SLC25A48: variants seen among roughly 807,000 people sequenced by gnomAD.
SLC25A48 encodes CTC-321K16.1.
SLC25A48 carries 29 observed loss-of-function variants against 32.2 expected under a neutral mutation model. That is an observed-to-expected ratio of 0.90 (90% CI 0.67 to 1.23). SLC25A48 has a LOEUF of 1.23. Among genes scored for constraint, SLC25A48 ranks in the 50% most tolerant of loss-of-function variants. SLC25A48 has a pLI of 0.00. For synonymous variants in SLC25A48, 164 were observed against 172.3 expected (o/e 0.95, Z 0.38); for missense variants, 399 against 422.7 (o/e 0.94, Z 0.49).
chr5:135,768,750 A>G (rs377514163), intron 3 of SLC25A48, among the ~76,000 whole-genome samples: 3 of 151,726 alleles, frequency 2.0e-5, no homozygotes, highest in East Asian at 3.9e-4. Flanking sequence ...AGAGGATGAT[A>G]TTACTCTCAA....
At chr5:135,762,427 G>A (rs1027172550) in intron 3 of SLC25A48, among the ~76,000 whole-genome samples, 3 of 152,172 alleles carry the variant, frequency 2.0e-5, no homozygotes, top group African/African-American at 7.2e-5. Context: ...GTGCTCTTGT[G>A]TACATTTTGT....
intron 4 of SLC25A48, among the ~76,000 whole-genome samples, chr5:135,863,882 A>G (rs979994199): frequency 2.0e-5 from 3 of 152,208 alleles, no homozygotes; most frequent in African/African-American, 7.2e-5. Context: ...AGGGCAATGG[A>G]GAAGGAAAAG....
intron 3 of SLC25A48, among the ~76,000 whole-genome samples, chr5:135,775,164 A>G (rs1429623079): frequency 1.3e-5 from 2 of 151,790 alleles, no homozygotes; most frequent in East Asian, 3.9e-4. Flanking sequence ...GGAAAAGAGG[A>G]TGATATTACT....
chr5:135,705,734 C>T (rs760344673), intron 3 of SLC25A48, among the ~76,000 whole-genome samples: 2 of 152,208 alleles, frequency 1.3e-5, no homozygotes, highest in Non-Finnish European at 2.9e-5. Flanking sequence ...TACTCAGCCT[C>T]TCTGAGCCCA....
intron 4 of SLC25A48, among the ~76,000 whole-genome samples, chr5:135,861,268 G>A (rs1039670498): frequency 1.3e-5 from 2 of 151,798 alleles, no homozygotes; most frequent in Admixed American, 6.6e-5. Context: ...TTAAGTAGAT[G>A]GGCAATATTT....
chr5:135,836,295 G>T (rs1370763333), intron 1 of SLC25A48, among the ~76,000 whole-genome samples: 1 of 151,494 alleles, frequency 6.6e-6, no homozygotes, highest in Non-Finnish European at 1.5e-5. Context: ...TCCTTACTTT[G>T]GTGATGTTAT....
chr5:135,760,709 T>G (rs887069818), intron 3 of SLC25A48, among the ~76,000 whole-genome samples: 1 of 152,300 alleles, frequency 6.6e-6, no homozygotes, highest in Non-Finnish European at 1.5e-5. Flanking sequence ...TGTCGGCCAC[T>G]TGGGGCTTTT....
intron 3 of SLC25A48, among the ~76,000 whole-genome samples, chr5:135,680,695 A>G (rs1223404287): frequency 2.0e-5 from 3 of 152,182 alleles, no homozygotes; most frequent in African/African-American, 7.2e-5. Context: ...CACAATCACA[A>G]GAACAGCATG....
intron 3 of SLC25A48, among the ~76,000 whole-genome samples, chr5:135,712,064 A>G (rs975259146): frequency 2.0e-5 from 3 of 152,018 alleles, no homozygotes; most frequent in Non-Finnish European, 4.4e-5. Context: ...ATTGTCGATG[A>G]TTTTCTAATG....
At chr5:135,857,782 C>A (rs1221033247) in intron 4 of SLC25A48, among the ~76,000 whole-genome samples, 2 of 152,214 alleles carry the variant, frequency 1.3e-5, no homozygotes, top group East Asian at 3.9e-4. Context: ...GGGCTGTGCA[C>A]CTGCCCAGGT....
intron 4 of SLC25A48, among the ~76,000 whole-genome samples, chr5:135,860,168 T>G (rs1422696842): frequency 6.6e-6 from 1 of 152,192 alleles, no homozygotes; most frequent in East Asian, 1.9e-4. Flanking sequence ...TTGGCTAGAT[T>G]AGGTTGCCCC....
At chr5:135,675,089 G>A (rs1235028425) in intron 3 of SLC25A48, among the ~76,000 whole-genome samples, 1 of 151,838 alleles carries the variant, frequency 6.6e-6, no homozygotes, top group African/African-American at 2.4e-5. Flanking sequence ...GCTTTAATTT[G>A]TATTTCCCTG....
At chr5:135,643,548 G>T (rs1752888707) in intron 3 of SLC25A48, among the ~76,000 whole-genome samples, 1 of 152,220 alleles carries the variant, frequency 6.6e-6, no homozygotes, top group African/African-American at 2.4e-5. Context: ...TAATGAAGGG[G>T]TGACTTGCCC....
At chr5:135,829,750 T>A (rs1221572925), upstream of SLC25A48, among the ~76,000 whole-genome samples, 1 of 151,920 alleles carries the variant, frequency 6.6e-6, no homozygotes. Flanking sequence ...GAGTCTTGGC[T>A]AGGAGGCAGC....
rs1580939938 is a variant in SLC25A48, at chr5:135,834,737, G to T, written c.-111G>T. On this transcript the variant is annotated 5_prime_UTR_variant, in exon 1 of 8. Transcript: ENST00000681962. ...GGGTTTGGAGTAGGACCTGCGGCGT[G>T]CTCGAGACTCCGACTTCGGTCTTGC... 1.7e-6 allele frequency: 2 copies of T among 1,210,176 alleles called. No individual in the cohort carries two copies. The highest frequency in any genetic ancestry group is 2.3e-6 in the Non-Finnish European group (2 of 874,414). The allele number at this position is 1,210,176 out of a possible 1,614,324, so 75.0% of individuals were successfully genotyped here.
At chr5:135,877,621 C>A (rs1283842101) in intron 6 of SLC25A48, among the ~76,000 whole-genome samples, 1 of 152,162 alleles carries the variant, frequency 6.6e-6, no homozygotes, top group Middle Eastern at 3.2e-3. Context: ...GCGAAGCGCT[C>A]GCAGGTGCTG....
chr5:135,883,287 A>T (rs1222584521), intron 7 of SLC25A48: 3 of 985,416 alleles, frequency 3.0e-6, no homozygotes, highest in Non-Finnish European at 3.6e-6. Flanking sequence ...CTGATCACCA[A>T]CTATTCCAGC....
chr5:135,625,731 G>A (rs1752427758), intron 1 of SLC25A48, among the ~76,000 whole-genome samples: 1 of 152,104 alleles, frequency 6.6e-6, no homozygotes. Flanking sequence ...GTAGAACAGG[G>A]GGAAGAAGGT....
intron 3 of SLC25A48, among the ~76,000 whole-genome samples, chr5:135,763,843 A>G (rs1446572679): frequency 6.6e-6 from 1 of 152,006 alleles, no homozygotes; most frequent in Non-Finnish European, 1.5e-5. Flanking sequence ...ACAATTCAGC[A>G]TCCGTCTCAA....
Sources: allele counts gnomAD v4.1 joint callset (sites outside exome capture counted in the v4.1 genomes callset), GRCh38; gene constraint gnomAD v4.1.1; transcripts MANE v1.5; gene names NCBI Gene and HGNC (gene_info 2026-07-23, HGNC 2026-07-21).